UBE2U: variants seen among roughly 807,000 people sequenced by gnomAD.
UBE2U encodes the protein ubiquitin-conjugating enzyme E2 U.
Under a neutral mutation model 41.2 loss-of-function variants are expected in UBE2U, and 39 were observed. The ratio of observed to expected loss-of-function variants is 0.95; its 90% CI spans 0.73 to 1.24. The LOEUF (loss-of-function observed/expected upper bound fraction) is 1.24. UBE2U is among the 50% of genes most tolerant of loss of function. The pLI is 0.00. For missense variants in UBE2U, 336 were observed against 363.1 expected, an observed-to-expected ratio of 0.93 and a Z score of 0.61; for synonymous variants, 107 against 117.8, an observed-to-expected ratio of 0.91 and a Z score of 0.60.
Position 64,260,610 on chromosome 1 carries a change from G to T in UBE2U, c.685G>T (p.Val229Phe). ...HQKEWNLKYS[V>F]IKCWLARKRM... ...TTCTTTTTCTCTTTCTAGGTATTCC[G>T]TTATCAAGTGTTGGCTTGCTAGAAA... The change falls in exon 9 of 10, where the codon GTT becomes TTT. Residue 229 changes from valine (V) to phenylalanine (F), a missense_variant. Transcript: ENST00000371077. 6.5e-7 allele frequency: 1 copy of T among 1,547,934 alleles called. No individual in the cohort carries two copies. Among genetic ancestry groups the T allele is most frequent in the Non-Finnish European group, 8.7e-7 (1 of 1,146,252 alleles).
intron 8 of UBE2U, chr1:64,244,045 A>C (rs1644878823): frequency 2.2e-6 from 2 of 900,750 alleles, no homozygotes; most frequent in African/African-American, 3.3e-5. Flanking sequence ...TGCTTCAAAC[A>C]GTATCTGGTG....
chr1:64,259,042 T>C (rs1645141671), intron 8 of UBE2U, among the ~76,000 whole-genome samples: 2 of 152,086 alleles, frequency 1.3e-5, no homozygotes, highest in South Asian at 2.1e-4. Flanking sequence ...TATCTCATTG[T>C]GGTTTTGATT....
chr1:64,239,098 A>AGAAG (rs1644740674), intron 7 of UBE2U, among the ~76,000 whole-genome samples: 2 of 26,106 alleles, frequency 7.7e-5, no homozygotes, highest in African/African-American at 1.4e-4. Context: ...AAGAGGAAGA[A>AGAAG]GAAGAAGAAG....
At position 64,219,741 on chromosome 1, in the gene UBE2U, G is replaced by T. The variant is rs533909507; in HGVS notation, c.458-1118G>T. ...CTCCCAAGTAGCTGGGACTACAGGC[G>T]CCCGCCACCACACCTGGCTAATTTT... On this transcript the variant is annotated intron_variant, in intron 5 of 9. Coordinates refer to ENST00000371077, the MANE Select transcript of UBE2U (RefSeq NM_001366232.2). Among the ~76,000 whole-genome samples the T allele has an allele frequency of 6.6e-5, 10 of 151,758 alleles. No homozygotes were observed. In the South Asian group the frequency reaches 1.5e-3, roughly 22 times the overall value.
chr1:64,239,140 A>AGAGGAAGAGGAAGAGGAAGAG lies in UBE2U; in HGVS notation c.596-2510_596-2509insGGAAGAGGAAGAGGAAGAGGA. On this transcript the variant is annotated intron_variant, in intron 7 of 9. Transcript: ENST00000371077. ...AAGAAGAAGAAGAAGAAGAAGAAGAAGAAGAAGAAGAAGAAGAAAGAAGAA... is the reference window on the plus strand; with the variant it reads ...AAGAAGAAGAAGAAGAAGAAGAAGAAGAGGAAGAGGAAGAGGAAGAGGAAGAAGAAGAAGAAGAAAGAAGAA... Among the ~76,000 whole-genome samples the AGAGGAAGAGGAAGAGGAAGAG allele has an allele frequency of 6.0e-3, 171 of 28,338 alleles. 7 individuals carry two copies. The highest frequency in any genetic ancestry group is 0.031 in the African/African-American group (157 of 5,032). 18.6% of individuals were successfully genotyped at this position (28,338 alleles called of 152,430 possible).
intron 8 of UBE2U, among the ~76,000 whole-genome samples, chr1:64,254,286 CTT>C (rs1645057813): frequency 6.6e-6 from 1 of 152,150 alleles, no homozygotes. Flanking sequence ...TACAAAGAGA[CTT>C]AGACTCCCAC....
At chr1:64,235,143 TTTC>T (rs1644642129) in intron 7 of UBE2U, among the ~76,000 whole-genome samples, 1 of 152,224 alleles carries the variant, frequency 6.6e-6, no homozygotes, top group African/African-American at 2.4e-5. Flanking sequence ...CTGACCACAG[TTTC>T]TTCTTCAAAA....
rs74081708 is a variant in UBE2U, at chr1:64,204,168, G to A, written c.66+52G>A. 4,113 of 1,565,270 alleles carry A rather than the reference G, an allele frequency of 2.6e-3. 75 individuals carry two copies. In the African/African-American group the frequency reaches 0.046, roughly 17 times the overall value. On this transcript the variant is annotated intron_variant, in intron 1 of 9. Transcript: ENST00000371077. Reference sequence around the variant, plus strand: ...TGTTTCATTGTGCAATAATTTTTAAGAGGCAGTTTAACCCATTTTATTCTA... The same window carrying A: ...TGTTTCATTGTGCAATAATTTTTAAAAGGCAGTTTAACCCATTTTATTCTA...
In UBE2U at chr1:64,237,114, TG is replaced by T. The variant is rs779111931; in HGVS notation, c.595+4467del. On this transcript the variant is annotated intron_variant, in intron 7 of 9. Transcript: ENST00000371077. ...GGTAGTCACTTAACTGTTTGTACTTTGGTTTTCATTTCTATTGATTGACAAA... is the reference window on the plus strand; with the variant it reads ...GGTAGTCACTTAACTGTTTGTACTTTGTTTTCATTTCTATTGATTGACAAA... Among the ~76,000 whole-genome samples the T allele has an allele frequency of 2.9e-4, 44 of 152,190 alleles. 1 individual carries two copies. Among genetic ancestry groups the T allele is most frequent in the Admixed American group, 4.6e-4 (7 of 15,278 alleles).
At position 64,203,978 on chromosome 1, in the gene UBE2U, A is replaced by C; in HGVS notation, c.-73A>C. On this transcript the variant is annotated 5_prime_UTR_variant, in exon 1 of 10. Transcript: ENST00000371077. ...TTTACTAAGTGTGGGAAAGTGACCC[A>C]TAACTTCAAACATCTGCCTCAGAGT... 7.0e-7 allele frequency: 1 copy of C among 1,432,730 alleles called. No individual in the cohort carries two copies. The highest frequency in any genetic ancestry group is 9.7e-7 in the Non-Finnish European group (1 of 1,029,522). The allele number at this position is 1,432,730 out of a possible 1,614,324, so 88.8% of individuals were successfully genotyped here.
chr1:64,208,138 A>ACC (rs1651420137), intron 3 of UBE2U, among the ~76,000 whole-genome samples: 2 of 152,230 alleles, frequency 1.3e-5, no homozygotes, highest in Non-Finnish European at 2.9e-5. Flanking sequence ...ATACATATTT[A>ACC]GTAGGCATGG....
At chr1:64,255,652 A>G (rs1237317147) in intron 8 of UBE2U, among the ~76,000 whole-genome samples, 2 of 152,196 alleles carry the variant, frequency 1.3e-5, no homozygotes, top group African/African-American at 4.8e-5. Flanking sequence ...CATCACATAA[A>G]CAGAACTACT....
At chr1:64,240,373 A>G (rs936700953) in intron 7 of UBE2U, among the ~76,000 whole-genome samples, 1 of 152,224 alleles carries the variant, frequency 6.6e-6, no homozygotes, top group Non-Finnish European at 1.5e-5. Flanking sequence ...GTGAGCTATT[A>G]GAGGGCTCTC....
intron 5 of UBE2U, among the ~76,000 whole-genome samples, chr1:64,219,397 C>A (rs567140477): frequency 1.8e-4 from 27 of 151,462 alleles, no homozygotes; most frequent in Non-Finnish European, 1.5e-4. Flanking sequence ...CTTTGTGTAT[C>A]CTCCCCTTCC....
chr1:64,223,986 A>T (rs1652676659), intron 6 of UBE2U, among the ~76,000 whole-genome samples: 1 of 152,178 alleles, frequency 6.6e-6, no homozygotes, highest in Non-Finnish European at 1.5e-5. Context: ...AAATAAGATT[A>T]TCAGGAGCTG....
chr1:64,204,860 C>T (rs1286834603), intron 1 of UBE2U, among the ~76,000 whole-genome samples: 2 of 152,180 alleles, frequency 1.3e-5, no homozygotes, highest in African/African-American at 4.8e-5. Context: ...TATAAAAGTA[C>T]TGCATTCACT....
chr1:64,238,293 T>C (rs1644707072), intron 7 of UBE2U, among the ~76,000 whole-genome samples: 1 of 151,804 alleles, frequency 6.6e-6, no homozygotes, highest in Non-Finnish European at 1.5e-5. Context: ...TAATTCCAGC[T>C]GCTCACTGGC....
chr1:64,254,529 C>A (rs972926835), intron 8 of UBE2U, among the ~76,000 whole-genome samples: 1 of 152,054 alleles, frequency 6.6e-6, no homozygotes, highest in Non-Finnish European at 1.5e-5. Flanking sequence ...TCAGCAAATG[C>A]AAAAGAACTG....
rs1645149071 is a variant in UBE2U at position 64,259,533 on chromosome 1, C to T, written c.678-1070C>T. Among the ~76,000 whole-genome samples, 4 of 152,090 alleles carry T rather than the reference C, an allele frequency of 2.6e-5. No homozygotes were observed. The South Asian group carries it at 8.3e-4, about 32-fold the overall frequency. The stretch of plus-strand genomic sequence containing the variant: ...AAGGAAGGGATCCAGTTTCAGCTTT[C>T]TACATATGGCTAGCCAGTTTTCCCA... On this transcript the variant is annotated intron_variant, in intron 8 of 9. Coordinates refer to ENST00000371077, the MANE Select transcript of UBE2U (RefSeq NM_001366232.2).
Sources: allele counts gnomAD v4.1 joint callset (sites outside exome capture counted in the v4.1 genomes callset), GRCh38; gene constraint gnomAD v4.1.1; transcripts MANE v1.5; gene names NCBI Gene and HGNC (gene_info 2026-07-23, HGNC 2026-07-21).